The following RFX7 variants were observed in gnomAD, a reference collection of about 807,000 sequenced individuals.
The protein encoded by RFX7 is DNA-binding protein RFX7.
Under a neutral mutation model 111.8 loss-of-function variants are expected in RFX7, and 26 were observed. That is an observed-to-expected ratio of 0.23 (90% CI 0.17 to 0.32). The LOEUF is 0.32. Among genes scored for constraint, RFX7 ranks in the 10% least tolerant of loss-of-function variants. The pLI is 1.00. For missense variants in RFX7, 1,573 were observed against 1,772.9 expected (o/e 0.89, Z 2.02); for synonymous variants, 624 against 624.4 (o/e 1.00, Z 0.01).
At chr15:56,187,264 G>C (rs2043050970) in intron 2 of RFX7, among the ~76,000 whole-genome samples, 1 of 151,510 alleles carries the variant, frequency 6.6e-6, no homozygotes, top group Non-Finnish European at 1.5e-5. Context: ...AGGCTGGAGG[G>C]CAGAGGCACG....
intron 3 of RFX7, among the ~76,000 whole-genome samples, chr15:56,149,611 T>G (rs767208446): frequency 4.6e-5 from 7 of 152,086 alleles, no homozygotes; most frequent in Non-Finnish European, 7.4e-5. Flanking sequence ...TCGGGGAATT[T>G]TCCCCCCTAC....
intron 2 of RFX7, among the ~76,000 whole-genome samples, chr15:56,200,932 C>T (rs2043187523): frequency 1.4e-5 from 2 of 145,868 alleles, no homozygotes; most frequent in African/African-American, 2.5e-5. Context: ...ATGTACAAGT[C>T]TTTTTTTTTT....
chr15:56,214,727 A>AG lies in RFX7; in HGVS notation c.161+28397_161+28398insC, dbSNP rs1405924133. 2.0e-5 allele frequency among the ~76,000 whole-genome samples: 3 copies of AG among 152,128 alleles called. No homozygotes were observed. In the East Asian group the frequency reaches 5.8e-4, roughly 29 times the overall value. Reference sequence around the variant, plus strand: ...GAGACTCTGTCTCAAAAAAAAAAAAAAAAAAATTCTAGAATAAAGTCTTAC... The same window carrying AG: ...GAGACTCTGTCTCAAAAAAAAAAAAAGAAAAAATTCTAGAATAAAGTCTTAC... On this transcript the variant is annotated intron_variant, in intron 2 of 9. Transcript: ENST00000559447.
chr15:56,229,017 C>T (rs909312392), intron 2 of RFX7, among the ~76,000 whole-genome samples: 3 of 152,152 alleles, frequency 2.0e-5, no homozygotes, highest in Non-Finnish European at 4.4e-5. Context: ...CTACCATACA[C>T]CTAACTGTGA....
At chr15:56,216,145 T>G (rs2043361207) in intron 2 of RFX7, among the ~76,000 whole-genome samples, 2 of 152,306 alleles carry the variant, frequency 1.3e-5, no homozygotes, top group South Asian at 4.2e-4. Context: ...CTCCAAAATA[T>G]CAAGAGATTG....
intron 3 of RFX7, among the ~76,000 whole-genome samples, chr15:56,149,326 C>T (rs1226179443): frequency 6.6e-6 from 1 of 152,122 alleles, no homozygotes; most frequent in Non-Finnish European, 1.5e-5. Flanking sequence ...ATAGATTAGC[C>T]CATCCTGATT....
chr15:56,218,144 C>CT (rs869249448), intron 2 of RFX7, among the ~76,000 whole-genome samples: 18,772 of 58,096 alleles, frequency 0.32, 6,896 homozygotes, highest in South Asian at 0.44. Flanking sequence ...AAATGATTTT[C>CT]TTTTTTTTTT....
chr15:56,225,003 A>G (rs1010820775), intron 2 of RFX7, among the ~76,000 whole-genome samples: 1 of 152,134 alleles, frequency 6.6e-6, no homozygotes, highest in Admixed American at 6.6e-5. Context: ...ACTGATTTGT[A>G]TTAGTATTAT....
intron 2 of RFX7, among the ~76,000 whole-genome samples, chr15:56,229,163 T>C (rs1392972259): frequency 9.9e-5 from 15 of 152,232 alleles, no homozygotes; most frequent in African/African-American, 3.6e-4. Flanking sequence ...GGTCTGTGGT[T>C]GACTGCAAGT....
intron 3 of RFX7, among the ~76,000 whole-genome samples, chr15:56,169,927 A>C (rs1218277529): frequency 6.6e-6 from 1 of 152,016 alleles, no homozygotes. Context: ...AAAAAAAAAA[A>C]AGTTCTTCCC....
At chr15:56,174,336 G>A (rs1950188958) in intron 3 of RFX7, among the ~76,000 whole-genome samples, 1 of 152,114 alleles carries the variant, frequency 6.6e-6, no homozygotes, top group Non-Finnish European at 1.5e-5. Flanking sequence ...ATCTAGAAGA[G>A]AAAATTTATT....
At chr15:56,222,855 A>AT (rs1399468680) in intron 2 of RFX7, among the ~76,000 whole-genome samples, 35 of 151,876 alleles carry the variant, frequency 2.3e-4, no homozygotes, top group African/African-American at 8.0e-4. Flanking sequence ...TTGTTTAGTA[A>AT]TTTTTTATAC....
intron 5 of RFX7, among the ~76,000 whole-genome samples, chr15:56,108,197 C>T (rs1178961808): frequency 2.0e-5 from 3 of 152,202 alleles, no homozygotes; most frequent in Non-Finnish European, 2.9e-5. Context: ...TCCTCCCTAA[C>T]TCATTTTATG....
At position 56,098,111 on chromosome 15, in the gene RFX7, G is replaced by T. The variant is rs373795444; in HGVS notation, c.1077C>A (p.Ile359=). Residue 359 remains isoleucine (I), a synonymous_variant, in exon 9 of 10, where the codon ATC becomes ATA. Transcript: ENST00000559447. ...TGGGACTAGGGACAGCTGCCACAAC[G>T]ATACCAATAGGTTGAGGAGAAAGGA... is the stretch of plus-strand genomic sequence containing the variant. The part of the protein sequence containing the change: ...PSILSPQPIG[I]VVAAVPSPIP... 6.2e-7 allele frequency: 1 copy of T among 1,613,870 alleles called. No individual in the cohort carries two copies. The highest frequency in any genetic ancestry group is 1.3e-5 in the African/African-American group (1 of 75,030).
chr15:56,171,415 G>A (rs1398180905), intron 3 of RFX7, among the ~76,000 whole-genome samples: 1 of 152,042 alleles, frequency 6.6e-6, no homozygotes, highest in East Asian at 1.9e-4. Context: ...CCTGATAAAA[G>A]CGAGGCTGAA....
chr15:56,124,553 T>G (rs1010228401), intron 5 of RFX7, among the ~76,000 whole-genome samples: 5 of 152,202 alleles, frequency 3.3e-5, no homozygotes, highest in African/African-American at 7.2e-5. Flanking sequence ...GTAGCTATCC[T>G]AACAGGGTAA....
chr15:56,210,546 T>C (rs1160098677), intron 2 of RFX7, among the ~76,000 whole-genome samples: 1 of 151,986 alleles, frequency 6.6e-6, no homozygotes. Context: ...CCAAGACAGA[T>C]CATATTCTGG....
chr15:56,163,611 G>A (rs2042750197), intron 3 of RFX7, among the ~76,000 whole-genome samples: 1 of 152,114 alleles, frequency 6.6e-6, no homozygotes, highest in Non-Finnish European at 1.5e-5. Flanking sequence ...AAAAAGTGTT[G>A]GGAGGGTATG....
chr15:56,240,354 T>C (rs1362298171), intron 2 of RFX7, among the ~76,000 whole-genome samples: 6 of 152,216 alleles, frequency 3.9e-5, no homozygotes, highest in East Asian at 3.9e-4. Context: ...CATAACAACA[T>C]TGTCAATTTT....
Sources: gnomAD v4.1 joint callset for allele counts (sites outside exome capture counted in the v4.1 genomes callset) on GRCh38, gnomAD v4.1.1 for gene constraint, MANE v1.5 for transcripts, NCBI Gene and HGNC (gene_info 2026-07-23, HGNC 2026-07-21) for gene names.